Variants in SPECC1 observed in about 807,000 individuals in gnomAD.
The protein encoded by SPECC1 is sperm antigen with calponin homology and coiled-coil domains 1.
A neutral mutation model predicts 104.1 loss-of-function variants in SPECC1; 62 were observed. That is an observed-to-expected ratio of 0.60 (90% CI 0.49 to 0.74). The LOEUF is 0.74. SPECC1 is among the 30% of genes least tolerant of loss of function. The pLI is 0.00. For synonymous variants in SPECC1, 513 were observed against 501.6 expected (o/e 1.02, Z -0.30); for missense variants, 1,306 against 1,310.5 (o/e 1.00, Z 0.05).
intron 1 of SPECC1, among the ~76,000 whole-genome samples, chr17:20,025,441 C>G (rs571371348): frequency 6.6e-6 from 1 of 152,346 alleles, no homozygotes; most frequent in South Asian, 2.1e-4. Flanking sequence ...CTATTCTGGT[C>G]ATTTCCGATG....
chr17:20,129,503 T>A lies in SPECC1; in HGVS notation c.283+18941T>A, dbSNP rs559974995. 6.8e-4 allele frequency among the ~76,000 whole-genome samples: 104 copies of A among 152,072 alleles called. 1 individual carries two copies. Among genetic ancestry groups the A allele is most frequent in the African/African-American group, 2.5e-3 (102 of 41,514 alleles). ...GCGCCCAGCCAGATTTCTTTTTTTT[T>A]TAGCTGTTGAATTTTGTGAGTTCTT... On this transcript the variant is annotated intron_variant, in intron 3 of 14. Coordinates refer to ENST00000395527, the MANE Select transcript of SPECC1 (RefSeq NM_001243439.2).
intron 3 of SPECC1, among the ~76,000 whole-genome samples, chr17:20,176,172 G>A (rs1000191616): frequency 2.0e-5 from 3 of 152,154 alleles, no homozygotes; most frequent in Admixed American, 6.5e-5. Flanking sequence ...GTAAAATGGG[G>A]CTGTTAGTAT....
intron 5 of SPECC1, among the ~76,000 whole-genome samples, chr17:20,228,343 G>A (rs1484633727): frequency 1.3e-5 from 2 of 152,206 alleles, no homozygotes; most frequent in Non-Finnish European, 2.9e-5. Context: ...GTGAGCCACC[G>A]TATTGAGCTG....
At chr17:20,190,072 A>G (rs1349927136) in intron 3 of SPECC1, among the ~76,000 whole-genome samples, 2 of 151,410 alleles carry the variant, frequency 1.3e-5, no homozygotes, top group Admixed American at 1.3e-4. Context: ...CACACCACTG[A>G]GACGACCCAA....
chr17:20,134,563 A>G (rs80002181), intron 3 of SPECC1, among the ~76,000 whole-genome samples: 3,577 of 152,316 alleles, frequency 0.023, 67 homozygotes, highest in Non-Finnish European at 0.037. Flanking sequence ...ATTATCAGAA[A>G]GCAAGATTTC....
At chr17:20,054,227 C>T (rs1170547421) in intron 1 of SPECC1, among the ~76,000 whole-genome samples, 1 of 152,144 alleles carries the variant, frequency 6.6e-6, no homozygotes, top group Non-Finnish European at 1.5e-5. Flanking sequence ...TGAATTGTCC[C>T]CATTGACTAG....
At chr17:20,060,174 A>T (rs1038714572) in intron 1 of SPECC1, among the ~76,000 whole-genome samples, 1 of 152,078 alleles carries the variant, frequency 6.6e-6, no homozygotes, top group African/African-American at 2.4e-5. Context: ...GCTTTCAATG[A>T]CGCCTCTATA....
chr17:20,228,133 A>C (rs930251011), intron 5 of SPECC1, among the ~76,000 whole-genome samples: 3 of 152,238 alleles, frequency 2.0e-5, no homozygotes, highest in African/African-American at 7.2e-5. Context: ...CTGGGATGAC[A>C]GAAGAACAGG....
At chr17:20,233,776 C>T (rs2038743867) in intron 7 of SPECC1, among the ~76,000 whole-genome samples, 1 of 152,216 alleles carries the variant, frequency 6.6e-6, no homozygotes, top group African/African-American at 2.4e-5. Context: ...CCTACTGAAA[C>T]AGTAGTGAGG....
intron 1 of SPECC1, among the ~76,000 whole-genome samples, chr17:20,083,376 C>G (rs2047056502): frequency 6.6e-6 from 1 of 152,166 alleles, no homozygotes; most frequent in Non-Finnish European, 1.5e-5. Flanking sequence ...AGAGCAACAC[C>G]AAATCACATT....
intron 10 of SPECC1, among the ~76,000 whole-genome samples, chr17:20,256,023 G>A (rs1040192796): frequency 5.9e-5 from 9 of 151,978 alleles, no homozygotes; most frequent in Non-Finnish European, 1.3e-4. Context: ...GACTACAGGC[G>A]CCTGCCACCA....
chr17:20,264,383 T>G (rs989804324), intron 12 of SPECC1, among the ~76,000 whole-genome samples: 4 of 151,520 alleles, frequency 2.6e-5, no homozygotes, highest in African/African-American at 7.3e-5. Context: ...AACTCAGGCC[T>G]TCTTCCCTTC....
intron 11 of SPECC1, 74 bp downstream of exon 11, chr17:20,257,681 C>A: frequency 6.4e-7 from 1 of 1,555,516 alleles, no homozygotes; most frequent in South Asian, 1.2e-5. Context: ...TCCGTTTTGT[C>A]CCCGTGGCCA....
intron 12 of SPECC1, among the ~76,000 whole-genome samples, chr17:20,280,932 G>A (rs1048110076): frequency 6.6e-6 from 1 of 152,214 alleles, no homozygotes; most frequent in African/African-American, 2.4e-5. Context: ...TTTGAGAGAT[G>A]AGGAAACTTA....
intron 3 of SPECC1, chr17:20,156,312 C>G: frequency 7.7e-7 from 1 of 1,296,100 alleles, no homozygotes; most frequent in Middle Eastern, 2.9e-4. Flanking sequence ...CCACCGCCTC[C>G]GGCTCGCGGC....
chr17:20,206,797 T>C (rs1276513891), intron 4 of SPECC1, among the ~76,000 whole-genome samples: 3 of 152,238 alleles, frequency 2.0e-5, no homozygotes, highest in Non-Finnish European at 2.9e-5. Flanking sequence ...AGAAATATTA[T>C]GCCAGTTTAT....
At chr17:20,198,818 C>G (rs2151316304) in intron 3 of SPECC1, among the ~76,000 whole-genome samples, 1 of 152,322 alleles carries the variant, frequency 6.6e-6, no homozygotes, top group African/African-American at 2.4e-5. Context: ...AATAGAGCCA[C>G]TGCTTTCTCT....
chr17:20,248,109 C>T (rs2039491811), intron 9 of SPECC1, among the ~76,000 whole-genome samples: 1 of 152,192 alleles, frequency 6.6e-6, no homozygotes, highest in African/African-American at 2.4e-5. Context: ...TCTGTGCCTG[C>T]CCCATACTGA....
In SPECC1 at chr17:20,225,472, G is replaced by A. The variant is rs776254446; in HGVS notation, c.1864-1941G>A. On this transcript the variant is annotated intron_variant, in intron 4 of 14. Transcript: ENST00000395527. The stretch of plus-strand genomic sequence containing the variant: ...GAAGATTCCCCTCTGGCTAGGGCTG[G>A]TCTAAATGCTCCTTTTATGGGTGCT... 2.0e-5 allele frequency among the ~76,000 whole-genome samples: 3 copies of A among 152,346 alleles called. No individual in the cohort carries two copies. The South Asian group carries it at 6.2e-4, about 32-fold the overall frequency.
Sources: allele counts gnomAD v4.1 joint callset (sites outside exome capture counted in the v4.1 genomes callset), GRCh38; gene constraint gnomAD v4.1.1; transcripts MANE v1.5; gene names NCBI Gene and HGNC (gene_info 2026-07-23, HGNC 2026-07-21).